The following IRF6 variants were observed in gnomAD, a reference collection of about 807,000 sequenced individuals.
The protein encoded by IRF6 is interferon regulatory factor 6.
Under a neutral mutation model 51.4 loss-of-function variants are expected in IRF6, and 6 were observed. The ratio of observed to expected loss-of-function variants is 0.12; its 90% CI spans 0.06 to 0.23. The LOEUF is 0.23. Ranked by LOEUF, IRF6 falls within the 10% of genes least tolerant of loss-of-function variation. IRF6 has a pLI of 1.00. For synonymous variants in IRF6, 178 were observed against 215.7 expected (o/e 0.83, Z 1.53); for missense variants, 348 against 585.2 (o/e 0.59, Z 4.18).
chr1:209,789,545 C>A, intron 8 of IRF6, 122 bp downstream of exon 8: 1 of 780,924 alleles, frequency 1.3e-6, no homozygotes, highest in South Asian at 1.4e-5. Context: ...GTCTGTTACC[C>A]CATCTGATGA....
intron 3 of IRF6, among the ~76,000 whole-genome samples, chr1:209,797,695 G>A (rs949173722): frequency 6.6e-6 from 1 of 152,178 alleles, no homozygotes; most frequent in Non-Finnish European, 1.5e-5. Context: ...AGCCGCTCAA[G>A]TCATAGACCA....
chr1:209,799,276 A>G (rs748975768), intron 3 of IRF6, among the ~76,000 whole-genome samples: 5 of 152,136 alleles, frequency 3.3e-5, no homozygotes, highest in Non-Finnish European at 7.3e-5. Context: ...CAGAAAGGGC[A>G]GTATAATGGG....
At chr1:209,789,847 C>T (rs1168911582) in intron 7 of IRF6, 62 bp from the exon 8 acceptor site, 1 of 1,096,194 alleles carries the variant, frequency 9.1e-7, no homozygotes, top group East Asian at 2.4e-5. Flanking sequence ...TCAACAAATA[C>T]CATCTTTTAT....
At chr1:209,799,502 A>C (rs1231328826) in intron 3 of IRF6, among the ~76,000 whole-genome samples, 1 of 152,214 alleles carries the variant, frequency 6.6e-6, no homozygotes, top group Non-Finnish European at 1.5e-5. Flanking sequence ...TATTCTGCTA[A>C]AGGCCATCAG....
In IRF6 at chr1:209,785,947, C is replaced by G. The variant is rs1407380600; in HGVS notation, c.*2473G>C. The G allele has an allele frequency of 6.6e-6, 1 of 152,200 alleles. No homozygotes were observed. Among genetic ancestry groups the G allele is most frequent in the African/African-American group, 2.4e-5 (1 of 41,444 alleles). 9.4% of individuals were successfully genotyped at this position (152,200 alleles called of 1,614,324 possible). A position where few individuals can be genotyped will look rare whatever the true frequency, so the allele number is the denominator to read the frequency against. On this transcript the variant is annotated 3_prime_UTR_variant, in exon 9 of 9. Transcript: ENST00000367021. Reference sequence around the variant, plus strand: ...CCAGCCCAGATCCAACACTTGCTCTCCCAGTTTACCTCCAGTAGGTTCTTT... The same window carrying G: ...CCAGCCCAGATCCAACACTTGCTCTGCCAGTTTACCTCCAGTAGGTTCTTT...
At chr1:209,801,558 G>T (rs1571986512) in intron 2 of IRF6, 142 bp from the exon 3 acceptor site, 1 of 682,448 alleles carries the variant, frequency 1.5e-6, no homozygotes, top group Non-Finnish European at 2.4e-6. Flanking sequence ...AATAAGCTGT[G>T]CCAGGTGGGA....
rs771539601 is a variant in IRF6, at chr1:209,801,311, G to A, written c.103C>T (p.Arg35Cys). 4.3e-5 allele frequency: 69 copies of A among 1,613,814 alleles called. No homozygotes were observed. Among genetic ancestry groups the A allele is most frequent in the East Asian group, 2.7e-4 (12 of 44,884 alleles). Residue 35 changes from arginine (R) to cysteine (C), a missense_variant, in exon 3 of 9, where the codon CGC becomes TGC. By Grantham distance (180) the Arg-to-Cys change is radical (BLOSUM62 -3). Coordinates refer to ENST00000367021, the MANE Select transcript of IRF6 (RefSeq NM_006147.4). The part of the protein sequence containing the change: ...GLIWLHRDSK[R>C]FQIPWKHATR... ...GCATGTTTCCAGGGAATCTGGAAGCGTTTAGAGTCCCTGTGTAGCCAGATG... is the reference window on the plus strand; with the variant it reads ...GCATGTTTCCAGGGAATCTGGAAGCATTTAGAGTCCCTGTGTAGCCAGATG...
In IRF6 at chr1:209,795,379, T is replaced by C; in HGVS notation, c.419A>G (p.Asp140Gly). The C allele has an allele frequency of 6.2e-7, 1 of 1,614,192 alleles. No homozygotes were observed. The highest frequency in any genetic ancestry group is 8.5e-7 in the Non-Finnish European group (1 of 1,180,038). Residue 140 changes from aspartate to glycine, a missense_variant, in exon 5 of 9, where the codon GAT (aspartate) becomes GGT (glycine). Physicochemically the swap from Asp to Gly is moderately conservative, Grantham distance 94. Transcript: ENST00000367021. The stretch of plus-strand genomic sequence containing the variant: ...ATCTTCCTCATCTTCTTCATCCACA[T>C]CATTATCCTTCTCATCCCAGGGAGC... ...GSAPWDEKDN[D>G]VDEEDEEDEL...
intron 5 of IRF6, among the ~76,000 whole-genome samples, chr1:209,794,844 A>G (rs2077891086): frequency 6.6e-6 from 1 of 152,244 alleles, no homozygotes; most frequent in South Asian, 2.1e-4. Context: ...AGCTACAGAC[A>G]TCACAAGTTT....
At chr1:209,799,681 G>C (rs1006626604) in intron 3 of IRF6, among the ~76,000 whole-genome samples, 1 of 152,194 alleles carries the variant, frequency 6.6e-6, no homozygotes, top group East Asian at 1.9e-4. Flanking sequence ...CTCTTCCCCA[G>C]GGCCAGCCAC....
At chr1:209,805,004 C>G (rs1195365260) in intron 1 of IRF6, among the ~76,000 whole-genome samples, 1 of 152,160 alleles carries the variant, frequency 6.6e-6, no homozygotes, top group African/African-American at 2.4e-5. Flanking sequence ...GGCCTCTAGT[C>G]AAAATGCCCA....
intron 3 of IRF6, among the ~76,000 whole-genome samples, chr1:209,798,476 G>A (rs1380497669): frequency 6.6e-6 from 1 of 152,184 alleles, no homozygotes; most frequent in African/African-American, 2.4e-5. Context: ...CTCCTCCATG[G>A]AGAGCAGCCA....
At chr1:209,804,020 G>C (rs1342834288) in intron 1 of IRF6, among the ~76,000 whole-genome samples, 1 of 152,134 alleles carries the variant, frequency 6.6e-6, no homozygotes, top group Non-Finnish European at 1.5e-5. Flanking sequence ...TGGTTATCTA[G>C]TGATGCAACT....
At chr1:209,793,931 C>G (rs904393543) in intron 5 of IRF6, among the ~76,000 whole-genome samples, 10 of 152,170 alleles carry the variant, frequency 6.6e-5, no homozygotes, top group African/African-American at 2.4e-4. Flanking sequence ...CATAGTATTC[C>G]ATGGTATATA....
chr1:209,804,872 T>C (rs2077964440), intron 1 of IRF6, among the ~76,000 whole-genome samples: 1 of 152,204 alleles, frequency 6.6e-6, no homozygotes. Context: ...ACACACGCCA[T>C]TTCTCGCAGA....
intron 6 of IRF6, among the ~76,000 whole-genome samples, chr1:209,791,530 G>A (rs674433): frequency 6.6e-6 from 1 of 152,218 alleles, no homozygotes; most frequent in South Asian, 2.1e-4. Context: ...ACATTGATTC[G>A]TCATTGAGAT....
chr1:209,789,653 C>T lies in IRF6; in HGVS notation c.1179+14G>A. 1 of 1,573,186 alleles carries T rather than the reference C, an allele frequency of 6.4e-7. No individual in the cohort carries two copies. The highest frequency in any genetic ancestry group is 1.1e-5 in the South Asian group (1 of 90,320). On this transcript the variant is annotated intron_variant, in intron 8 of 8. Coordinates refer to ENST00000367021, the MANE Select transcript of IRF6 (RefSeq NM_006147.4). ...AAAAGATGAAGAGTTGTTGACACAG[C>T]CTTATCTTCTCACCTGAACCAAGAT...
rs959068423 is a variant in IRF6 at position 209,789,750 on chromosome 1, G to T, written c.1096C>A (p.Gln366Lys). The change falls in exon 8 of 9, where the codon CAG becomes AAG. Residue 366 changes from glutamine to lysine, a missense_variant. By Grantham distance (53) the Gln-to-Lys change is moderately conservative (BLOSUM62 1). Transcript: ENST00000367021. ...IAHQKGQIEK[Q>K]PPFEIYLCFG... Reference sequence around the variant, plus strand: ...CATAAGTAGATCTCAAACGGTGGCTGCTTCTCTATCTGTCCTTTCTGGTGG... The same window carrying T: ...CATAAGTAGATCTCAAACGGTGGCTTCTTCTCTATCTGTCCTTTCTGGTGG... 1.2e-6 allele frequency: 2 copies of T among 1,613,916 alleles called. No individual in the cohort carries two copies. The highest frequency in any genetic ancestry group is 2.7e-5 in the African/African-American group (2 of 74,928).
At chr1:209,799,816 C>A (rs1327655750) in intron 3 of IRF6, among the ~76,000 whole-genome samples, 2 of 152,214 alleles carry the variant, frequency 1.3e-5, no homozygotes, top group Admixed American at 6.5e-5. Context: ...TAGGTACTAA[C>A]CTTATCAACT....
Sources: gnomAD v4.1 joint callset for allele counts (sites outside exome capture counted in the v4.1 genomes callset) on GRCh38, gnomAD v4.1.1 for gene constraint, MANE v1.5 for transcripts, NCBI Gene and HGNC (gene_info 2026-07-23, HGNC 2026-07-21) for gene names.